PKD1L3: variants seen among roughly 807,000 people sequenced by gnomAD.
The protein encoded by PKD1L3 is polycystin-1-like protein 3.
In PKD1L3, 239 loss-of-function variants were observed where a neutral mutation model predicts 184.1. That is an observed-to-expected ratio of 1.30 (90% confidence interval 1.17 to 1.45). PKD1L3 has a LOEUF of 1.45. Among genes scored for constraint, PKD1L3 ranks in the 40% most tolerant of loss-of-function variants. The pLI, the probability that PKD1L3 is intolerant of heterozygous loss-of-function variation, is 0.00. For synonymous variants in PKD1L3, 996 were observed against 778.8 expected, an observed-to-expected ratio of 1.28 and a Z score of -4.64; for missense variants, 2,660 against 2,067.2, an observed-to-expected ratio of 1.29 and a Z score of -5.56.
chr16:71,968,607 A>AT (rs1405154284), intron 13 of PKD1L3, among the ~76,000 whole-genome samples: 1 of 152,070 alleles, frequency 6.6e-6, no homozygotes, highest in Admixed American at 6.6e-5. Flanking sequence ...TTATATTCTT[A>AT]TTTTTTGAGA....
intron 25 of PKD1L3, 128 bp from the exon 26 acceptor site, chr16:71,935,646 C>T: frequency 1.2e-6 from 1 of 859,042 alleles, no homozygotes; most frequent in Non-Finnish European, 1.7e-6. Flanking sequence ...TCAGATCTCA[C>T]TTGGACAAAT....
In PKD1L3 at chr16:71,950,310, A is replaced by C; in HGVS notation, c.3191T>G (p.Val1064Gly). The C allele has an allele frequency of 6.6e-7, 1 of 1,516,120 alleles. No homozygotes were observed. Among genetic ancestry groups the C allele is most frequent in the Admixed American group, 2.3e-5 (1 of 44,336 alleles). 93.9% of individuals were successfully genotyped at this position (1,516,120 alleles called of 1,614,324 possible). Residue 1064 changes from valine to glycine, a missense_variant and splice_region_variant, in exon 20 of 30, where the codon GTT becomes GGT. By Grantham distance (109) the Val-to-Gly change is moderately radical. Transcript: ENST00000620267. ...GAAATGATGGTGGTTTTCAGGAACA[A>C]CTGAAAATATATTTCAAGTTGACAC... ...HQQGERHWAR[V>G]VPENHHHFCC...
chr16:71,968,364 C>G (rs151047508), intron 13 of PKD1L3, among the ~76,000 whole-genome samples: 195 of 152,306 alleles, frequency 1.3e-3, no homozygotes, highest in African/African-American at 4.3e-3. Flanking sequence ...TTGGGGCACA[C>G]TTACACTAAC....
At position 71,953,277 on chromosome 16, in the gene PKD1L3, A is replaced by C. The variant is rs531232107; in HGVS notation, c.2810-184T>G. Among the ~76,000 whole-genome samples the C allele has an allele frequency of 6.4e-4, 97 of 152,316 alleles. 2 individuals carry two copies. Among genetic ancestry groups the C allele is most frequent in the South Asian group, 5.8e-3 (28 of 4,834 alleles). On this transcript the variant is annotated intron_variant, in intron 17 of 29. Coordinates refer to ENST00000620267, the MANE Select transcript of PKD1L3 (RefSeq NM_181536.2). ...GCTTCATTTGTTAATGAATGAGAACACTGAGAAAATTTGTTAGAGTATTCT... is the reference window on the plus strand; with the variant it reads ...GCTTCATTTGTTAATGAATGAGAACCCTGAGAAAATTTGTTAGAGTATTCT...
chr16:71,962,880 A>AGTG (rs2039336274), intron 16 of PKD1L3, among the ~76,000 whole-genome samples: 1 of 152,174 alleles, frequency 6.6e-6, no homozygotes. Flanking sequence ...TCATCGAAGT[A>AGTG]GTGGTATCCT....
chr16:71,973,441 C>T lies in PKD1L3; in HGVS notation c.1836G>A (p.Leu612=), dbSNP rs1394456003. Reference sequence around the variant, plus strand: ...GCTGAGCACCCTCCTGCCTCTCACTCAGCACAGCTGTTATATAGTAGGTGC... The same window carrying T: ...GCTGAGCACCCTCCTGCCTCTCACTTAGCACAGCTGTTATATAGTAGGTGC... The part of the protein sequence containing the change: ...GIGTYYITAV[L]SERQEGAQQT... The change falls in exon 12 of 30, where the codon CTG becomes CTA. Residue 612 remains leucine (L), a synonymous_variant. Transcript: ENST00000620267. 3 of 1,551,784 alleles carry T rather than the reference C, an allele frequency of 1.9e-6. No homozygotes were observed. The highest frequency in any genetic ancestry group is 3.9e-5 in the Admixed American group (2 of 50,992).
At chr16:71,991,614 A>G (rs969624058) in intron 3 of PKD1L3, among the ~76,000 whole-genome samples, 1 of 152,226 alleles carries the variant, frequency 6.6e-6, no homozygotes, top group Admixed American at 6.5e-5. Flanking sequence ...TTTAAAGAGT[A>G]CAGGAAAGAC....
chr16:71,999,587 T>C, intron 1 of PKD1L3, 97 bp downstream of exon 1: 1 of 1,246,574 alleles, frequency 8.0e-7, no homozygotes, highest in African/African-American at 1.5e-5. Flanking sequence ...TTTTTCTGTC[T>C]ACAAAAGCAG....
intron 4 of PKD1L3, among the ~76,000 whole-genome samples, chr16:71,987,508 GA>G (rs2040419430): frequency 6.6e-6 from 1 of 152,016 alleles, no homozygotes. Flanking sequence ...GAGTGGCTGG[GA>G]CTACAGGACC....
At chr16:71,952,436 G>A (rs1361537112) in intron 18 of PKD1L3, among the ~76,000 whole-genome samples, 3 of 150,914 alleles carry the variant, frequency 2.0e-5, no homozygotes, top group Non-Finnish European at 4.4e-5. Context: ...AGCCAGGATG[G>A]TCTCGATCTC....
intron 17 of PKD1L3, among the ~76,000 whole-genome samples, chr16:71,953,355 A>C (rs2038921914): frequency 6.6e-6 from 1 of 152,004 alleles, no homozygotes; most frequent in African/African-American, 2.4e-5. Context: ...GTCTGTTTTC[A>C]CACTGCTATA....
intron 2 of PKD1L3, among the ~76,000 whole-genome samples, chr16:71,997,546 C>T (rs1002054138): frequency 6.6e-6 from 1 of 151,940 alleles, no homozygotes; most frequent in Non-Finnish European, 1.5e-5. Flanking sequence ...GTTGGGAGTT[C>T]GAGACTGGCC....
intron 12 of PKD1L3, among the ~76,000 whole-genome samples, chr16:71,972,571 T>C (rs1178226480): frequency 3.3e-5 from 5 of 151,644 alleles, no homozygotes; most frequent in Non-Finnish European, 7.4e-5. Flanking sequence ...GTGGTCCTCA[T>C]TACTTGAAAG....
chr16:71,981,532 ATTCTTTTTT>A (rs1409339119), intron 7 of PKD1L3, among the ~76,000 whole-genome samples: 2 of 107,536 alleles, frequency 1.9e-5, no homozygotes, highest in African/African-American at 7.1e-5. Flanking sequence ...ACTTTCCTAA[ATTCTTTTTT>A]TTTTTTTTTT....
At chr16:71,958,941 G>T (rs887653879) in intron 16 of PKD1L3, among the ~76,000 whole-genome samples, 1 of 151,070 alleles carries the variant, frequency 6.6e-6, no homozygotes, top group Non-Finnish European at 1.5e-5. Context: ...CAAAAAATTA[G>T]CCAGGCATGG....
chr16:71,934,110 A>G lies in PKD1L3; in HGVS notation c.4629T>C (p.Tyr1543=), dbSNP rs1034623570. 17 of 1,551,912 alleles carry G rather than the reference A, an allele frequency of 1.1e-5. No homozygotes were observed. The highest frequency in any genetic ancestry group is 1.4e-5 in the Non-Finnish European group (16 of 1,147,046). Residue 1543 remains tyrosine (Y), a synonymous_variant, in exon 27 of 30, where the codon TAT becomes TAC. Coordinates refer to ENST00000620267, the MANE Select transcript of PKD1L3 (RefSeq NM_181536.2). ...RDDQDRFISF[Y]EAVKVNSAAT... ...CAGCAGAGTTCACTTTTACTGCCTC[A>G]TAGAAGCTGATGAATCTGCACCAAG...
chr16:71,998,371 G>T lies in PKD1L3; in HGVS notation c.319C>A (p.Pro107Thr), dbSNP rs1323741343. ...YPADVAANGP[P>T]KPLSCTYLSR... ...AGGTAGGTGCAGCTGAGGGGCTTTG[G>T]GGGCCCGTTGGCTGCAACGTCTGCT... The change falls in exon 2 of 30, where the codon CCA (proline) becomes ACA (threonine). Residue 107 changes from proline to threonine, a missense_variant. Physicochemically the swap from Pro to Thr is conservative, Grantham distance 38. Coordinates refer to ENST00000620267, the MANE Select transcript of PKD1L3 (RefSeq NM_181536.2). 1.3e-6 allele frequency: 2 copies of T among 1,551,520 alleles called. No homozygotes were observed. The highest frequency in any genetic ancestry group is 2.7e-5 in the African/African-American group (2 of 73,030).
In PKD1L3 at chr16:71,991,706, G is replaced by C. The variant is rs190743711; in HGVS notation, c.536-1377C>G. The stretch of plus-strand genomic sequence containing the variant: ...AAACCACAACAAATGAAATAGAAGT[G>C]ATACATACGTAGGATATTCTTGATT... On this transcript the variant is annotated intron_variant, in intron 3 of 29. Transcript: ENST00000620267. Among the ~76,000 whole-genome samples, 3 of 152,314 alleles carry C rather than the reference G, an allele frequency of 2.0e-5. No homozygotes were observed. In the East Asian group the frequency reaches 5.8e-4, roughly 29 times the overall value.
chr16:71,934,244 G>C (rs12149325), intron 26 of PKD1L3, 119 bp from the exon 27 acceptor site: 197,779 of 888,536 alleles, frequency 0.22, 24,670 homozygotes, highest in Middle Eastern at 0.28. Flanking sequence ...AATGCTTGTT[G>C]ATGTGAGAAC....
Sources: allele counts gnomAD v4.1 joint callset (sites outside exome capture counted in the v4.1 genomes callset), GRCh38; gene constraint gnomAD v4.1.1; transcripts MANE v1.5; gene names NCBI Gene and HGNC (gene_info 2026-07-23, HGNC 2026-07-21).